Variants in GANC observed in about 807,000 individuals in gnomAD.
GANC encodes glucosidase alpha, neutral C.
In GANC, 117 loss-of-function variants were observed where a neutral mutation model predicts 124.2. The ratio of observed to expected loss-of-function variants is 0.94; its 90% CI spans 0.81 to 1.10. The LOEUF is 1.10. Among genes scored for constraint, GANC ranks in the 50% least tolerant of loss-of-function variants. GANC has a pLI of 0.00. For synonymous variants in GANC, 377 were observed against 376.8 expected (o/e 1.00, Z -0.01); for missense variants, 1,140 against 1,095.0 (o/e 1.04, Z -0.58).
At position 42,352,437 on chromosome 15, in the gene GANC, G is replaced by A. The variant is rs1009920908; in HGVS notation, c.*298G>A. The A allele has an allele frequency of 1.8e-6, 2 of 1,114,492 alleles. No individual in the cohort carries two copies. Among genetic ancestry groups the A allele is most frequent in the African/African-American group, 3.2e-5 (2 of 61,714 alleles). 69.0% of individuals were successfully genotyped at this position (1,114,492 alleles called of 1,614,324 possible). A position where few individuals can be genotyped will look rare whatever the true frequency, so the allele number is the denominator to read the frequency against. On this transcript the variant is annotated 3_prime_UTR_variant, in exon 24 of 24. Coordinates refer to ENST00000318010, the MANE Select transcript of GANC (RefSeq NM_198141.3). ...CTATTGCTTCCATTCCTTCAGCAGG[G>A]CTGCGTGGGTCTGTTTTAACGTGGG...
chr15:42,277,400 C>A (rs1386692813), intron 2 of GANC, among the ~76,000 whole-genome samples: 1 of 151,606 alleles, frequency 6.6e-6, no homozygotes, highest in Non-Finnish European at 1.5e-5. Flanking sequence ...CATGGTGGCG[C>A]ATGCCTGTAA....
chr15:42,333,040 T>TATATA (rs1408862547), intron 15 of GANC, among the ~76,000 whole-genome samples: 1,344 of 79,298 alleles, frequency 0.017, 28 homozygotes, highest in African/African-American at 0.044. Flanking sequence ...ATATATATAT[T>TATATA]TTTTTTGGTC....
At chr15:42,275,944 T>A (rs894473938) in intron 1 of GANC, among the ~76,000 whole-genome samples, 7 of 152,108 alleles carry the variant, frequency 4.6e-5, no homozygotes, top group African/African-American at 1.7e-4. Context: ...AATAAATCGG[T>A]GGGTGGGTTA....
chr15:42,308,268 T>C lies in GANC; in HGVS notation c.672T>C (p.His224=). The change falls in exon 8 of 24, where the codon CAT becomes CAC. Residue 224 remains histidine, a synonymous_variant. Coordinates refer to ENST00000318010, the MANE Select transcript of GANC (RefSeq NM_198141.3). ...ATTTCTCCTTGCATGGATTTGAGCA[T>C]CTTTATGGGATCCCACAACATGCAG... The part of the protein sequence containing the change: ...GLDFSLHGFE[H]LYGIPQHAES... 1 of 1,610,312 alleles carries C rather than the reference T, an allele frequency of 6.2e-7. No homozygotes were observed. Among genetic ancestry groups the C allele is most frequent in the Non-Finnish European group, 8.5e-7 (1 of 1,177,158 alleles).
At chr15:42,320,569 C>T (rs1202281800) in intron 10 of GANC, among the ~76,000 whole-genome samples, 1 of 152,164 alleles carries the variant, frequency 6.6e-6, no homozygotes, top group Non-Finnish European at 1.5e-5. Flanking sequence ...CTGCCTCAGC[C>T]TCCCAAGTAG....
chr15:42,305,493 G>C lies in GANC; in HGVS notation c.559-1053G>C, dbSNP rs188211263. Among the ~76,000 whole-genome samples, 13 of 152,362 alleles carry C rather than the reference G, an allele frequency of 8.5e-5. No individual in the cohort carries two copies. The East Asian group carries it at 2.5e-3, about 29-fold the overall frequency. ...GGAGAAATATGAATGCTTTTACACT[G>C]TTGGTGGGAGTGTAAATTAGTTCAA... On this transcript the variant is annotated intron_variant, in intron 6 of 23. Coordinates refer to ENST00000318010, the MANE Select transcript of GANC (RefSeq NM_198141.3).
Position 42,310,442 on chromosome 15 carries a change from C to G in GANC, c.882C>G (p.Ile294Met), listed in dbSNP as rs2052039664. 1 of 1,609,934 alleles carries G rather than the reference C, an allele frequency of 6.2e-7. No homozygotes were observed. Among genetic ancestry groups the G allele is most frequent in the African/African-American group, 1.3e-5 (1 of 74,662 alleles). Residue 294 changes from isoleucine to methionine, a missense_variant, in exon 9 of 24, where the codon ATC becomes ATG. Transcript: ENST00000318010. ...WLNASETLVE[I>M]NTEPAVEYTL... is the part of the protein sequence containing the mutation. ...ATGCCTCGGAAACACTGGTGGAGAT[C>G]AATACAGAGCCTGCAGTAGAGGTGA...
intron 2 of GANC, among the ~76,000 whole-genome samples, chr15:42,277,551 G>T (rs546499904): frequency 6.6e-6 from 1 of 151,768 alleles, no homozygotes; most frequent in South Asian, 2.1e-4. Flanking sequence ...AAGATTGCCT[G>T]TTTCTCCAGA....
rs1595788929 is a variant in GANC, at chr15:42,352,764, C to A, written c.*625C>A. 2 of 974,610 alleles carry A rather than the reference C, an allele frequency of 2.1e-6. No individual in the cohort carries two copies. Among genetic ancestry groups the A allele is most frequent in the South Asian group, 4.8e-5 (1 of 21,050 alleles). The allele number at this position is 974,610 out of a possible 1,614,324, so 60.4% of individuals were successfully genotyped here. ...TTCTAATTAATCTTAAAATCCATGT[C>A]TTTTACATTGTTTTTTTAATTAAGT... On this transcript the variant is annotated 3_prime_UTR_variant, in exon 24 of 24. Transcript: ENST00000318010.
chr15:42,337,377 A>T (rs531479919), intron 15 of GANC, among the ~76,000 whole-genome samples: 2 of 152,218 alleles, frequency 1.3e-5, no homozygotes, highest in African/African-American at 4.8e-5. Flanking sequence ...ATTTATTTTT[A>T]TATATATGAA....
Position 42,326,362 on chromosome 15 carries a change from A to G in GANC, c.1358A>G (p.Lys453Arg), listed in dbSNP as rs1356972632. 1.2e-6 allele frequency: 2 copies of G among 1,614,144 alleles called. No homozygotes were observed. The highest frequency in any genetic ancestry group is 1.7e-6 in the Non-Finnish European group (2 of 1,180,012). The change falls in exon 12 of 24, where the codon AAA becomes AGA. Residue 453 changes from lysine to arginine, a missense_variant. Coordinates refer to ENST00000318010, the MANE Select transcript of GANC (RefSeq NM_198141.3). ...DPDYSVYVKA[K>R]DQGFFVKNQE... ...GACTACTCAGTATATGTGAAGGCCA[A>G]AGATCAGGGCTTCTTTGTGAAGAAT...
At chr15:42,279,483 G>A (rs1274923637) in intron 3 of GANC, among the ~76,000 whole-genome samples, 1 of 152,170 alleles carries the variant, frequency 6.6e-6, no homozygotes, top group Non-Finnish European at 1.5e-5. Flanking sequence ...CATAGTTTTT[G>A]CCTAGTGAGA....
chr15:42,325,109 CAA>C (rs753549250), intron 11 of GANC, among the ~76,000 whole-genome samples: 10 of 132,388 alleles, frequency 7.6e-5, no homozygotes, highest in African/African-American at 1.1e-4. Context: ...ATTAAAAATA[CAA>C]AAAAAAAAAA....
At chr15:42,318,355 A>G (rs1229345980) in intron 10 of GANC, among the ~76,000 whole-genome samples, 1 of 151,972 alleles carries the variant, frequency 6.6e-6, no homozygotes, top group African/African-American at 2.4e-5. Context: ...CTTTTTTCCT[A>G]CCTTTACCTT....
chr15:42,328,780 C>A (rs1162343965), intron 13 of GANC, among the ~76,000 whole-genome samples: 1 of 152,210 alleles, frequency 6.6e-6, no homozygotes, highest in Non-Finnish European at 1.5e-5. Context: ...ACTCAACTGT[C>A]CCTTCCCACT....
In GANC at chr15:42,294,016, A is replaced by T. The variant is rs958006482; in HGVS notation, c.512+1099A>T. ...CAGTGAGCTGCGACTGTGGCACTGC[A>T]CTCCAGCCTGGGCAACAGAGCGAGA... On this transcript the variant is annotated intron_variant, in intron 5 of 23. Transcript: ENST00000318010. Among the ~76,000 whole-genome samples, 37 of 151,616 alleles carry T rather than the reference A, an allele frequency of 2.4e-4. 1 individual carries two copies. The highest frequency in any genetic ancestry group is 8.8e-4 in the African/African-American group (36 of 40,902).
chr15:42,308,430 C>G, intron 8 of GANC, 112 bp downstream of exon 8: 1 of 626,372 alleles, frequency 1.6e-6, no homozygotes, highest in Non-Finnish European at 2.9e-6. Context: ...CCTTTTCCTC[C>G]TTTATATTGC....
At chr15:42,323,646 G>T (rs772492045) in intron 11 of GANC, among the ~76,000 whole-genome samples, 1 of 152,068 alleles carries the variant, frequency 6.6e-6, no homozygotes, top group Admixed American at 6.5e-5. Flanking sequence ...AGAATTACAG[G>T]CATGTGCCAC....
At chr15:42,310,607 T>C in intron 9 of GANC, 86 bp from the exon 10 acceptor site, 1 of 1,527,466 alleles carries the variant, frequency 6.5e-7, no homozygotes, top group Non-Finnish European at 8.9e-7. Context: ...TAGTATCTAC[T>C]AAAGGATCAG....
Sources: allele counts gnomAD v4.1 joint callset (sites outside exome capture counted in the v4.1 genomes callset), GRCh38; gene constraint gnomAD v4.1.1; transcripts MANE v1.5; gene names NCBI Gene and HGNC (gene_info 2026-07-23, HGNC 2026-07-21).